The following ENTPD1 variants were observed in gnomAD, a reference collection of about 807,000 sequenced individuals.
The protein encoded by ENTPD1 is ATP diphosphohydrolase.
Under a neutral mutation model 57.0 loss-of-function variants are expected in ENTPD1, and 33 were observed. The ratio of observed to expected loss-of-function variants is 0.58; its 90% confidence interval spans 0.44 to 0.77. The LOEUF is 0.77. ENTPD1 is among the 30% of genes least tolerant of loss of function. The pLI is 0.00. For missense variants in ENTPD1, 501 were observed against 603.4 expected (o/e 0.83, Z 1.78); for synonymous variants, 202 against 218.8 (o/e 0.92, Z 0.68).
intron 5 of ENTPD1, 69 bp downstream of exon 5, chr10:95,844,704 C>A: frequency 6.3e-7 from 1 of 1,581,364 alleles, no homozygotes; most frequent in Non-Finnish European, 8.7e-7. Context: ...TCAGGCAGTA[C>A]TTGGGTCGCT....
chr10:95,774,769 C>T (rs1047071248), intron 1 of ENTPD1, among the ~76,000 whole-genome samples: 9 of 152,196 alleles, frequency 5.9e-5, no homozygotes, highest in African/African-American at 2.2e-4. Context: ...TAGTGTGATG[C>T]TTCCAGCTTT....
chr10:95,870,644 T>C lies in ENTPD1; in HGVS notation c.*4261T>C. The C allele has an allele frequency of 3.0e-6, 3 of 985,408 alleles. No individual in the cohort carries two copies. The highest frequency in any genetic ancestry group is 3.6e-6 in the Non-Finnish European group (3 of 829,924). The allele number at this position is 985,408 out of a possible 1,614,324, so 61.0% of individuals were successfully genotyped here. ...CATAATGATAAAATTACTATGAAAA[T>C]ATATTCCCTTTATTGTCAGTTTAAA... On this transcript the variant is annotated 3_prime_UTR_variant, in exon 10 of 10. Coordinates refer to ENST00000371205, the MANE Select transcript of ENTPD1 (RefSeq NM_001776.6).
intron 1 of ENTPD1, among the ~76,000 whole-genome samples, chr10:95,767,519 A>C (rs7921242): frequency 6.6e-6 from 1 of 151,444 alleles, no homozygotes; most frequent in Admixed American, 6.6e-5. Context: ...AAATTATGTT[A>C]GTCACTTATT....
upstream of ENTPD1, among the ~76,000 whole-genome samples, chr10:95,709,902 A>G (rs997527140): frequency 6.6e-6 from 1 of 151,138 alleles, no homozygotes; most frequent in African/African-American, 2.4e-5. Flanking sequence ...CCCCCCCACC[A>G]GTAGCTGGGA....
Position 95,868,547 on chromosome 10 carries a change from C to G in ENTPD1, c.*2164C>G. ...AAGGTCAAATAAGTTGAGCCAATAA[C>G]AGCCGCTTTTTTCCTTCTGTCTGCG... On this transcript the variant is annotated 3_prime_UTR_variant, in exon 10 of 10. Transcript: ENST00000371205. 2 of 985,426 alleles carry G rather than the reference C, an allele frequency of 2.0e-6. No individual in the cohort carries two copies. The highest frequency in any genetic ancestry group is 2.4e-6 in the Non-Finnish European group (2 of 829,944). The allele number at this position is 985,426 out of a possible 1,614,324, so 61.0% of individuals were successfully genotyped here.
chr10:95,756,455 A>C, intron 1 of ENTPD1, 200 bp downstream of exon 1: 1 of 634,080 alleles, frequency 1.6e-6, no homozygotes, highest in African/African-American at 1.8e-5. Context: ...GGTTGCAGTC[A>C]AGGGTGGCTC....
At chr10:95,695,785 A>C in the ENTPD1 span, among the ~76,000 whole-genome samples, 1 of 152,336 alleles carries the variant, frequency 6.6e-6, no homozygotes, top group South Asian at 2.1e-4. Context: ...CCATGCCTAG[A>C]ACAGTGTCTG....
intron 1 of ENTPD1, among the ~76,000 whole-genome samples, chr10:95,800,475 A>T (rs2098244606): frequency 6.6e-6 from 1 of 152,180 alleles, no homozygotes; most frequent in Admixed American, 6.5e-5. Context: ...ACAGGGTTTG[A>T]GAGCAGACAA....
chr10:95,797,939 C>G (rs897567968), intron 1 of ENTPD1, among the ~76,000 whole-genome samples: 7 of 152,276 alleles, frequency 4.6e-5, no homozygotes, highest in African/African-American at 1.7e-4. Context: ...AGATTAAGGA[C>G]TTGCCATCCT....
At chr10:95,739,224 G>A (rs1433013123) in intron 1 of ENTPD1, among the ~76,000 whole-genome samples, 8 of 152,130 alleles carry the variant, frequency 5.3e-5, no homozygotes, top group Admixed American at 5.2e-4. Flanking sequence ...GAAGGTTGGG[G>A]TGGCTGTGGC....
In ENTPD1 at chr10:95,864,612, G is replaced by A. The variant is rs980133883; in HGVS notation, c.1189-112G>A. The A allele has an allele frequency of 4.8e-6, 7 of 1,451,642 alleles. No individual in the cohort carries two copies. The Admixed American group carries it at 1.0e-4, about 21-fold the overall frequency. 89.9% of individuals were successfully genotyped at this position (1,451,642 alleles called of 1,614,324 possible). Reference sequence around the variant, plus strand: ...CCCTCTGGAAGAGGCCAACCTTCAGGTGCACTGGAGCTGGGGCTTTCCCCT... The same window carrying A: ...CCCTCTGGAAGAGGCCAACCTTCAGATGCACTGGAGCTGGGGCTTTCCCCT... On this transcript the variant is annotated intron_variant, in intron 8 of 9. Transcript: ENST00000371205.
Position 95,815,165 on chromosome 10 carries a change from ATT to A in ENTPD1, c.17-8070_17-8069del, listed in dbSNP as rs545835542. 3.3e-3 allele frequency among the ~76,000 whole-genome samples: 505 copies of A among 152,306 alleles called. 2 individuals carry two copies. The highest frequency in any genetic ancestry group is 0.011 in the African/African-American group (478 of 41,566). On this transcript the variant is annotated intron_variant, in intron 1 of 9. Coordinates refer to ENST00000371205, the MANE Select transcript of ENTPD1 (RefSeq NM_001776.6). ...GGTTGGGGTAGAATAAGACCTTTCC[ATT>A]TAGATAGAATTTTGGACTAGTGCTT...
chr10:95,707,024 G>A (rs1464508003), upstream of ENTPD1, among the ~76,000 whole-genome samples: 2 of 152,212 alleles, frequency 1.3e-5, no homozygotes, highest in Non-Finnish European at 2.9e-5. Flanking sequence ...GCACCCGAGG[G>A]TGCAGGCTGC....
chr10:95,762,054 C>T (rs952167197), intron 1 of ENTPD1, among the ~76,000 whole-genome samples: 4 of 152,012 alleles, frequency 2.6e-5, no homozygotes, highest in Admixed American at 2.0e-4. Context: ...AGAAAAAAAT[C>T]CAGAGTAGAG....
intron 1 of ENTPD1, among the ~76,000 whole-genome samples, chr10:95,814,867 C>G (rs2098324566): frequency 6.6e-6 from 1 of 152,188 alleles, no homozygotes. Context: ...ACCCCCACCC[C>G]TTCCCTTCCT....
At chr10:95,758,802 C>T (rs577296295) in intron 1 of ENTPD1, among the ~76,000 whole-genome samples, 65 of 152,236 alleles carry the variant, frequency 4.3e-4, no homozygotes, top group African/African-American at 1.5e-3. Context: ...CCAGAAGCCA[C>T]GCAGGAAGTG....
chr10:95,698,082 A>T, the ENTPD1 span, among the ~76,000 whole-genome samples: 5 of 152,244 alleles, frequency 3.3e-5, no homozygotes, highest in Non-Finnish European at 5.9e-5. Context: ...CAGAATACGG[A>T]TAGAAATATG....
At chr10:95,768,223 C>T (rs980973647) in intron 1 of ENTPD1, among the ~76,000 whole-genome samples, 2 of 152,216 alleles carry the variant, frequency 1.3e-5, no homozygotes, top group Non-Finnish European at 2.9e-5. Flanking sequence ...ACAACTTTCA[C>T]AATAAGATAA....
intron 1 of ENTPD1, among the ~76,000 whole-genome samples, chr10:95,740,698 T>A (rs1409926584): frequency 1.3e-5 from 2 of 152,222 alleles, no homozygotes; most frequent in Non-Finnish European, 2.9e-5. Context: ...TGTAGCCACT[T>A]TCATCAATGA....
Sources: gnomAD v4.1 joint callset for allele counts (sites outside exome capture counted in the v4.1 genomes callset) on GRCh38, gnomAD v4.1.1 for gene constraint, MANE v1.5 for transcripts, NCBI Gene and HGNC (gene_info 2026-07-23, HGNC 2026-07-21) for gene names.